Variants in WWOX observed in about 807,000 individuals in gnomAD.
The protein encoded by WWOX is WW domain containing oxidoreductase, also known as WW domain-containing oxidoreductase.
In WWOX, 69 loss-of-function variants were observed where a neutral mutation model predicts 46.2. The observed-to-expected ratio is 1.49, with a 90% CI of 1.23 to 1.82. The LOEUF (loss-of-function observed/expected upper bound fraction) is 1.82, where lower values mean the gene tolerates loss of function less well. Among genes scored for constraint, WWOX ranks in the 40% most tolerant of loss-of-function variants. The pLI, the probability that WWOX is intolerant of heterozygous loss-of-function variation, is 0.00. For synonymous variants in WWOX, 359 were observed against 202.6 expected (o/e 1.77, Z -6.56); for missense variants, 919 against 542.6 (o/e 1.69, Z -6.89).
At chr16:78,722,303 A>G (rs9934490) in intron 8 of WWOX, among the ~76,000 whole-genome samples, 99,804 of 152,060 alleles carry the variant, frequency 0.66, 34,648 homozygotes, top group African/African-American at 0.9. Context: ...AGTGACTTTG[A>G]GCATCTTTAC....
intron 4 of WWOX, among the ~76,000 whole-genome samples, chr16:78,147,879 CTA>C (rs1474599810): frequency 6.6e-6 from 1 of 150,438 alleles, no homozygotes; most frequent in African/African-American, 2.5e-5. Context: ...GGGGTGGAAA[CTA>C]TGTTGCCAAG....
At chr16:78,309,787 C>T (rs1157548161) in intron 5 of WWOX, among the ~76,000 whole-genome samples, 2 of 152,114 alleles carry the variant, frequency 1.3e-5, no homozygotes. Context: ...AGATGTGCAC[C>T]CAGCAGTGTC....
rs551573812 is a variant in WWOX at position 79,012,991 on chromosome 16, C to T, written c.1057-198617C>T. On this transcript the variant is annotated intron_variant, in intron 8 of 8. Coordinates refer to ENST00000566780, the MANE Select transcript of WWOX (RefSeq NM_016373.4). ...TGGATCGCCTGAGGTCAGGAAGAAC[C>T]TGGGAGATTGGAGGTTGCAGTGAGC... is the stretch of plus-strand genomic sequence containing the variant. Among the ~76,000 whole-genome samples, 8 of 152,302 alleles carry T rather than the reference C, an allele frequency of 5.3e-5. No individual in the cohort carries two copies. In the South Asian group the frequency reaches 6.2e-4, roughly 12 times the overall value.
At chr16:78,935,445 G>A (rs2045716250) in intron 8 of WWOX, among the ~76,000 whole-genome samples, 2 of 152,134 alleles carry the variant, frequency 1.3e-5, no homozygotes, top group African/African-American at 4.8e-5. Context: ...ATGAGTTCAT[G>A]TCTCTTGTAG....
chr16:79,190,612 C>G (rs1392649768), intron 8 of WWOX, among the ~76,000 whole-genome samples: 2 of 152,186 alleles, frequency 1.3e-5, no homozygotes, highest in East Asian at 1.9e-4. Context: ...AGGGAGGGAA[C>G]TCATTCAGAA....
At position 78,803,614 on chromosome 16, in the gene WWOX, T is replaced by C. The variant is rs183745726; in HGVS notation, c.1056+370862T>C. ...AGGCATATACCACCATACCTGGACATGTTTTTAACTTTAATTTTTATTTTT... is the reference window on the plus strand; with the variant it reads ...AGGCATATACCACCATACCTGGACACGTTTTTAACTTTAATTTTTATTTTT... On this transcript the variant is annotated intron_variant, in intron 8 of 8. Transcript: ENST00000566780. Among the ~76,000 whole-genome samples, 353 of 152,138 alleles carry C rather than the reference T, an allele frequency of 2.3e-3. 2 individuals are homozygous for C. The highest frequency in any genetic ancestry group is 8.2e-3 in the African/African-American group (342 of 41,512).
intron 8 of WWOX, among the ~76,000 whole-genome samples, chr16:78,815,603 G>C (rs992671780): frequency 6.6e-6 from 1 of 152,148 alleles, no homozygotes; most frequent in East Asian, 1.9e-4. Flanking sequence ...ACACATTTAT[G>C]GGGGCAGAGG....
chr16:79,030,528 A>G (rs1451565544), intron 8 of WWOX, among the ~76,000 whole-genome samples: 2 of 152,202 alleles, frequency 1.3e-5, no homozygotes, highest in Non-Finnish European at 2.9e-5. Flanking sequence ...ACACCAGACC[A>G]GGCGTGATCC....
chr16:78,947,699 C>T (rs531157423), intron 8 of WWOX, among the ~76,000 whole-genome samples: 1 of 152,204 alleles, frequency 6.6e-6, no homozygotes, highest in Non-Finnish European at 1.5e-5. Context: ...TGTCCCCTCA[C>T]TTAGCCCCTT....
At chr16:78,565,108 A>G (rs570431404) in intron 8 of WWOX, among the ~76,000 whole-genome samples, 10 of 152,374 alleles carry the variant, frequency 6.6e-5, no homozygotes, top group African/African-American at 2.2e-4. Flanking sequence ...TCATTCATTC[A>G]TCAGAGCAGC....
intron 8 of WWOX, among the ~76,000 whole-genome samples, chr16:78,727,538 AG>A (rs1280481823): frequency 1.3e-5 from 2 of 152,160 alleles, no homozygotes; most frequent in Non-Finnish European, 2.9e-5. Context: ...GAAAGAAAGG[AG>A]GGACACAAGG....
intron 5 of WWOX, among the ~76,000 whole-genome samples, chr16:78,166,028 T>C (rs1039548078): frequency 2.6e-5 from 4 of 152,176 alleles, no homozygotes; most frequent in Non-Finnish European, 5.9e-5. Flanking sequence ...CTTATTTGAA[T>C]CTACACGCAG....
At chr16:78,918,130 G>T (rs1324683584) in intron 8 of WWOX, among the ~76,000 whole-genome samples, 1 of 152,084 alleles carries the variant, frequency 6.6e-6, no homozygotes, top group East Asian at 1.9e-4. Context: ...GGCTGAGGTG[G>T]GAGGATCACT....
At chr16:78,626,123 C>A (rs925511013) in intron 8 of WWOX, among the ~76,000 whole-genome samples, 2 of 151,534 alleles carry the variant, frequency 1.3e-5, no homozygotes, top group African/African-American at 4.9e-5. Context: ...CAGGATACCA[C>A]TTTTATTTAT....
chr16:78,801,290 C>T (rs2050880573), intron 8 of WWOX, among the ~76,000 whole-genome samples: 2 of 152,074 alleles, frequency 1.3e-5, no homozygotes, highest in Non-Finnish European at 2.9e-5. Context: ...CAGGTAGATC[C>T]CCTGAGGTTG....
chr16:78,193,601 A>T (rs552804400), intron 5 of WWOX, among the ~76,000 whole-genome samples: 9 of 152,370 alleles, frequency 5.9e-5, no homozygotes, highest in African/African-American at 2.2e-4. Flanking sequence ...TCATTGAAAT[A>T]TCATTAGAAT....
At position 78,347,414 on chromosome 16, in the gene WWOX, C is replaced by T. The variant is rs1333587904; in HGVS notation, c.517-39446C>T. Among the ~76,000 whole-genome samples the T allele has an allele frequency of 1.7e-5, 2 of 117,926 alleles. 1 individual carries two copies. Among genetic ancestry groups the T allele is most frequent in the African/African-American group, 5.8e-5 (2 of 34,574 alleles). 77.4% of individuals were successfully genotyped at this position (117,926 alleles called of 152,430 possible). On this transcript the variant is annotated intron_variant, in intron 5 of 8. Transcript: ENST00000566780. ...TGTTGGTCCCAGGTTATTCGCACCTCATATGTCTTTGGCACAGCACTCTTG... is the reference window on the plus strand; with the variant it reads ...TGTTGGTCCCAGGTTATTCGCACCTTATATGTCTTTGGCACAGCACTCTTG...
chr16:78,398,800 T>A (rs996944682), intron 6 of WWOX, among the ~76,000 whole-genome samples: 2 of 152,198 alleles, frequency 1.3e-5, no homozygotes, highest in African/African-American at 2.4e-5. Flanking sequence ...TCTGGGTTGT[T>A]GAGAGGATTC....
Position 78,602,546 on chromosome 16 carries a change from C to G in WWOX, c.1056+169794C>G, listed in dbSNP as rs201591562. 5.3e-5 allele frequency among the ~76,000 whole-genome samples: 8 copies of G among 152,180 alleles called. No homozygotes were observed. In the East Asian group the frequency reaches 7.7e-4, roughly 15 times the overall value. ...CACACCCGGCCTCTTCTCGATAGAT[C>G]TTATTTGGCTGACAACGAAAGCTGT... On this transcript the variant is annotated intron_variant, in intron 8 of 8. Coordinates refer to ENST00000566780, the MANE Select transcript of WWOX (RefSeq NM_016373.4).
Sources: allele counts gnomAD v4.1 joint callset (sites outside exome capture counted in the v4.1 genomes callset), GRCh38; gene constraint gnomAD v4.1.1; transcripts MANE v1.5; gene names NCBI Gene and HGNC (gene_info 2026-07-23, HGNC 2026-07-21).